TNRC6C: variants seen among roughly 807,000 people sequenced by gnomAD.
TNRC6C encodes the protein trinucleotide repeat-containing gene 6C protein.
TNRC6C carries 20 observed loss-of-function variants against 153.7 expected under a neutral mutation model. That is an observed-to-expected ratio of 0.13 (90% confidence interval 0.09 to 0.19). TNRC6C has a LOEUF of 0.19. Among genes scored for constraint, TNRC6C ranks in the 10% least tolerant of loss-of-function variants. The pLI, the probability that TNRC6C is intolerant of heterozygous loss-of-function variation, is 1.00. For missense variants in TNRC6C, 1,987 were observed against 2,172.0 expected (o/e 0.91, Z 1.69); for synonymous variants, 811 against 841.4 (o/e 0.96, Z 0.63).
chr17:78,058,486 G>A (rs1451843660), intron 3 of TNRC6C, among the ~76,000 whole-genome samples: 6 of 152,128 alleles, frequency 3.9e-5, no homozygotes, highest in Non-Finnish European at 7.3e-5. Context: ...GAACTTCCAG[G>A]GATTTCATCT....
intron 8 of TNRC6C, 167 bp from the exon 11 acceptor site, chr17:78,077,018 C>T: frequency 1.4e-6 from 1 of 714,194 alleles, no homozygotes; most frequent in Non-Finnish European, 2.2e-6. Context: ...ATTTCTTTTT[C>T]TTTTTCCCCT....
chr17:78,035,918 G>A (rs1354814180), intron 2 of TNRC6C, among the ~76,000 whole-genome samples: 1 of 152,002 alleles, frequency 6.6e-6, no homozygotes, highest in East Asian at 1.9e-4. Context: ...GATTTTCATT[G>A]TACTTTAATC....
intron 1 of TNRC6C, among the ~76,000 whole-genome samples, chr17:78,022,532 A>G (rs2071854536): frequency 6.6e-6 from 1 of 152,206 alleles, no homozygotes; most frequent in South Asian, 2.1e-4. Context: ...AAGCATGGTC[A>G]GAGATGTGAG....
At chr17:78,003,259 C>G (rs922367486), upstream of TNRC6C, among the ~76,000 whole-genome samples, 1 of 152,150 alleles carries the variant, frequency 6.6e-6, no homozygotes, top group Admixed American at 6.5e-5. Context: ...ATTGGTATTT[C>G]AGTGCCTGAA....
intron 2 of TNRC6C, among the ~76,000 whole-genome samples, chr17:78,032,290 C>G (rs1224315251): frequency 6.6e-6 from 1 of 152,246 alleles, no homozygotes; most frequent in Non-Finnish European, 1.5e-5. Context: ...TTGAGCCAAG[C>G]CTATCTGATA....
intron 13 of TNRC6C, among the ~76,000 whole-genome samples, chr17:78,088,864 T>C (rs1339711791): frequency 6.6e-6 from 1 of 151,906 alleles, no homozygotes; most frequent in Non-Finnish European, 1.5e-5. Context: ...ACAAATTTCA[T>C]CCCACCTATT....
intron 1 of TNRC6C, among the ~76,000 whole-genome samples, chr17:77,987,797 A>C (rs1046284373): frequency 6.6e-6 from 1 of 151,852 alleles, no homozygotes; most frequent in African/African-American, 2.4e-5. Flanking sequence ...CTCCTGCTTC[A>C]CCCTCCCAAG....
chr17:78,024,547 A>T (rs2071898318), intron 1 of TNRC6C, among the ~76,000 whole-genome samples: 1 of 151,958 alleles, frequency 6.6e-6, no homozygotes, highest in East Asian at 1.9e-4. Context: ...TTTGTATTTT[A>T]GTAGAGACGG....
intron 1 of TNRC6C, among the ~76,000 whole-genome samples, chr17:77,993,720 G>T (rs575050619): frequency 6.6e-6 from 1 of 152,146 alleles, no homozygotes; most frequent in East Asian, 1.9e-4. Context: ...TTGAAAACAG[G>T]AAATTAAAAT....
intron 1 of TNRC6C, among the ~76,000 whole-genome samples, chr17:77,995,680 CTGAT>C (rs1038439111): frequency 2.0e-5 from 3 of 152,148 alleles, no homozygotes; most frequent in African/African-American, 7.2e-5. Flanking sequence ...ATCTGAGAGA[CTGAT>C]TGGAGATTTT....
At chr17:77,969,276 A>G (rs9914441) in intron 1 of TNRC6C, among the ~76,000 whole-genome samples, 12,493 of 151,240 alleles carry the variant, frequency 0.083, 1,350 homozygotes, top group African/African-American at 0.26. Flanking sequence ...TTTTTGAGGC[A>G]GAGTCTCGCT....
intron 1 of TNRC6C, among the ~76,000 whole-genome samples, chr17:77,996,973 A>G (rs1424989974): frequency 6.6e-6 from 1 of 152,198 alleles, no homozygotes; most frequent in Non-Finnish European, 1.5e-5. Flanking sequence ...GAGACAGCCA[A>G]CCAAAATGAG....
At chr17:78,006,310 G>T in intron 1 of TNRC6C, among the ~76,000 whole-genome samples, 1 of 152,172 alleles carries the variant, frequency 6.6e-6, no homozygotes. Context: ...ATTTTTCTCT[G>T]TTATACTCTC....
chr17:78,012,679 A>G (rs995971967), intron 1 of TNRC6C, among the ~76,000 whole-genome samples: 1 of 152,122 alleles, frequency 6.6e-6, no homozygotes, highest in Non-Finnish European at 1.5e-5. Context: ...GCGGATAGGG[A>G]GCCAGTGCTT....
intron 3 of TNRC6C, among the ~76,000 whole-genome samples, chr17:78,053,769 C>A (rs1295284961): frequency 2.0e-5 from 3 of 152,034 alleles, no homozygotes; most frequent in African/African-American, 7.3e-5. Context: ...TGAGAGCCCC[C>A]ACCTGTAATC....
intron 3 of TNRC6C, among the ~76,000 whole-genome samples, chr17:78,052,313 G>T (rs1232150715): frequency 6.6e-6 from 1 of 152,156 alleles, no homozygotes; most frequent in Admixed American, 6.5e-5. Flanking sequence ...CTTGACTGGG[G>T]CCCCTGGAGG....
chr17:78,030,127 C>T (rs1329879900), intron 1 of TNRC6C, among the ~76,000 whole-genome samples: 3 of 147,060 alleles, frequency 2.0e-5, no homozygotes, highest in East Asian at 3.9e-4. Context: ...ATAATTACTA[C>T]TGTACATAAT....
At chr17:78,085,101 T>A (rs1410301208) in intron 11 of TNRC6C, among the ~76,000 whole-genome samples, 1 of 152,166 alleles carries the variant, frequency 6.6e-6, no homozygotes, top group Non-Finnish European at 1.5e-5. Context: ...AGAAAAAGCA[T>A]GCAGGTTTAG....
At chr17:78,069,708 A>G (rs1203860091) in intron 5 of TNRC6C, among the ~76,000 whole-genome samples, 1 of 152,240 alleles carries the variant, frequency 6.6e-6, no homozygotes, top group Admixed American at 6.5e-5. Flanking sequence ...ATACAGAACT[A>G]AAAGGAAATT....
Sources: allele counts gnomAD v4.1 joint callset (sites outside exome capture counted in the v4.1 genomes callset), GRCh38; gene constraint gnomAD v4.1.1; transcripts MANE v1.5; gene names NCBI Gene and HGNC (gene_info 2026-07-23, HGNC 2026-07-21).